The following TENM4 variants were observed in gnomAD, a reference collection of about 807,000 sequenced individuals.
TENM4 encodes teneurin-4.
Under a neutral mutation model 243.3 loss-of-function variants are expected in TENM4, and 82 were observed. That is an observed-to-expected ratio of 0.34 (90% CI 0.28 to 0.40). The LOEUF is 0.40. Among genes scored for constraint, TENM4 ranks in the 10% least tolerant of loss-of-function variants. The pLI is 1.00. For synonymous variants in TENM4, 1,412 were observed against 1,456.3 expected, an observed-to-expected ratio of 0.97 and a Z score of 0.69; for missense variants, 3,138 against 3,673.3, an observed-to-expected ratio of 0.85 and a Z score of 3.77.
At chr11:79,358,122 G>C (rs1301683898) in intron 1 of TENM4, among the ~76,000 whole-genome samples, 2 of 152,130 alleles carry the variant, frequency 1.3e-5, no homozygotes, top group East Asian at 3.9e-4. Context: ...CTGGGCTCTG[G>C]TAAAATCAGG....
At chr11:79,252,768 T>C (rs976027919) in intron 2 of TENM4, among the ~76,000 whole-genome samples, 15 of 152,160 alleles carry the variant, frequency 9.9e-5, no homozygotes, top group African/African-American at 3.6e-4. Flanking sequence ...GCCCCAGCTC[T>C]CCTGTGGGTC....
chr11:78,725,071 A>G (rs891850267), intron 23 of TENM4, among the ~76,000 whole-genome samples: 2 of 152,218 alleles, frequency 1.3e-5, no homozygotes, highest in Non-Finnish European at 2.9e-5. Flanking sequence ...CTTGGGGCCA[A>G]AGCTTAGTTT....
intron 1 of TENM4, among the ~76,000 whole-genome samples, chr11:79,410,529 G>A (rs1397432077): frequency 9.2e-5 from 14 of 152,274 alleles, no homozygotes; most frequent in South Asian, 6.2e-4. Context: ...CTATAAACAG[G>A]AATTACACTA....
intron 9 of TENM4, among the ~76,000 whole-genome samples, chr11:78,872,685 T>C (rs1859165240): frequency 1.3e-5 from 2 of 152,232 alleles, no homozygotes; most frequent in South Asian, 2.1e-4. Context: ...AATGTGTGTT[T>C]AGTTGGTGCT....
chr11:78,694,604 G>A (rs1481559567), intron 28 of TENM4, among the ~76,000 whole-genome samples: 1 of 152,262 alleles, frequency 6.6e-6, no homozygotes, highest in Middle Eastern at 3.4e-3. Flanking sequence ...CTGGCTTGGC[G>A]ACTCATGGCT....
chr11:79,033,228 C>T (rs1182149417), intron 6 of TENM4, among the ~76,000 whole-genome samples: 4 of 152,060 alleles, frequency 2.6e-5, no homozygotes, highest in Non-Finnish European at 5.9e-5. Flanking sequence ...TAGTGCTTGG[C>T]ACAGGGACAG....
intron 6 of TENM4, among the ~76,000 whole-genome samples, chr11:79,059,695 A>T (rs1402235691): frequency 6.6e-6 from 1 of 152,216 alleles, no homozygotes; most frequent in African/African-American, 2.4e-5. Flanking sequence ...TTATCTCTGA[A>T]CTTTTTCATT....
chr11:79,035,181 C>T (rs1057200981), intron 6 of TENM4, among the ~76,000 whole-genome samples: 14 of 152,180 alleles, frequency 9.2e-5, no homozygotes, highest in Non-Finnish European at 1.9e-4. Context: ...CTCCCTTAAC[C>T]TTGGGCAAGT....
rs77830025 is a variant in TENM4, at chr11:79,113,730, C to T, written c.-66+34980G>A. ...TGGACATTGGGAACCCTGGCCCTGC[C>T]ATGCCTGCTCTGTCTCTGGATTCCT... On this transcript the variant is annotated intron_variant, in intron 4 of 33. Coordinates refer to ENST00000278550, the MANE Select transcript of TENM4 (RefSeq NM_001098816.3). 6.0e-3 allele frequency among the ~76,000 whole-genome samples: 910 copies of T among 152,278 alleles called. 10 individuals carry two copies. Among genetic ancestry groups the T allele is most frequent in the African/African-American group, 0.021 (870 of 41,554 alleles).
rs374147027 is a variant in TENM4 at position 78,670,064 on chromosome 11, A to C, written c.6281T>G (p.Met2094Arg). ...NYDNSFRVTS[M>R]QAVINETPLP... ...TGGGGTCTCGTTGATCACAGCCTGC[A>C]TGCTGGTCACCCGGAAGCTGTTGTC... The change falls in exon 32 of 34, where the codon ATG becomes AGG. Residue 2094 changes from methionine (M) to arginine (R), a missense_variant. Met to Arg is a moderately conservative substitution (Grantham distance 91). Coordinates refer to ENST00000278550, the MANE Select transcript of TENM4 (RefSeq NM_001098816.3). The C allele has an allele frequency of 6.2e-7, 1 of 1,613,956 alleles. No homozygotes were observed. Among genetic ancestry groups the C allele is most frequent in the African/African-American group, 1.3e-5 (1 of 75,024 alleles).
intron 2 of TENM4, among the ~76,000 whole-genome samples, chr11:79,224,778 C>T (rs1314740252): frequency 6.6e-6 from 1 of 152,184 alleles, no homozygotes; most frequent in African/African-American, 2.4e-5. Context: ...TGGCAAAACC[C>T]TGCCTCTACT....
chr11:78,903,926 A>G (rs543300664), intron 6 of TENM4: 3 of 476,726 alleles, frequency 6.3e-6, no homozygotes, highest in African/African-American at 3.9e-5. Flanking sequence ...GCCCTGCCCC[A>G]GGCTGACTGA....
intron 1 of TENM4, among the ~76,000 whole-genome samples, chr11:79,315,670 T>C (rs1322418445): frequency 1.3e-5 from 2 of 152,202 alleles, no homozygotes; most frequent in South Asian, 2.1e-4. Flanking sequence ...ATCTGCCACT[T>C]GTCAGCATCC....
At chr11:78,708,324 G>A in intron 27 of TENM4, 37 bp downstream of exon 27, 1 of 1,610,904 alleles carries the variant, frequency 6.2e-7, no homozygotes, top group Non-Finnish European at 8.5e-7. Flanking sequence ...AGGATGAGTG[G>A]GCAGTCCCAG....
At chr11:79,021,109 C>T (rs376334720) in intron 6 of TENM4, among the ~76,000 whole-genome samples, 3 of 152,142 alleles carry the variant, frequency 2.0e-5, no homozygotes, top group African/African-American at 7.2e-5. Flanking sequence ...AACGAATTGC[C>T]TGAAATTTTA....
At chr11:78,972,459 G>A (rs750153178) in intron 6 of TENM4, among the ~76,000 whole-genome samples, 20 of 152,158 alleles carry the variant, frequency 1.3e-4, no homozygotes, top group Middle Eastern at 3.4e-3. Flanking sequence ...CAGGTTTCTC[G>A]GGGACTTTAA....
intron 2 of TENM4, among the ~76,000 whole-genome samples, chr11:79,274,749 G>A (rs117668817): frequency 0.01 from 1,590 of 152,318 alleles, 34 homozygotes; most frequent in Middle Eastern, 0.014. Flanking sequence ...GCCTGTTGTA[G>A]TAGAGAGGAT....
intron 1 of TENM4, among the ~76,000 whole-genome samples, chr11:79,314,904 TG>T (rs1856779726): frequency 6.6e-6 from 1 of 152,228 alleles, no homozygotes; most frequent in Non-Finnish European, 1.5e-5. Context: ...TTTCAGTATT[TG>T]GCAGAAACTT....
chr11:79,352,091 A>G (rs1045226843), intron 1 of TENM4, among the ~76,000 whole-genome samples: 1 of 152,278 alleles, frequency 6.6e-6, no homozygotes, highest in Non-Finnish European at 1.5e-5. Flanking sequence ...TATGTGCTGC[A>G]TAGTAAATAC....
Sources: gnomAD v4.1 joint callset for allele counts (sites outside exome capture counted in the v4.1 genomes callset) on GRCh38, gnomAD v4.1.1 for gene constraint, MANE v1.5 for transcripts, NCBI Gene and HGNC (gene_info 2026-07-23, HGNC 2026-07-21) for gene names.